TEPSIN: variants seen among roughly 807,000 people sequenced by gnomAD.
TEPSIN encodes the protein AP-4 complex accessory subunit tepsin.
In TEPSIN, 50 loss-of-function variants were observed where a neutral mutation model predicts 48.5. That is an observed-to-expected ratio of 1.03 (90% CI 0.82 to 1.31). The LOEUF (loss-of-function observed/expected upper bound fraction) is 1.31, where lower values mean the gene tolerates loss of function less well. Ranked by LOEUF, TEPSIN falls within the 50% of genes most tolerant of loss-of-function variation. The probability of loss-of-function intolerance (pLI) is 0.00; values close to 1 mark genes in which losing one functional copy is unlikely to be tolerated. For synonymous variants in TEPSIN, 392 were observed against 358.8 expected, an observed-to-expected ratio of 1.09 and a Z score of -1.05; for missense variants, 838 against 815.9, an observed-to-expected ratio of 1.03 and a Z score of -0.33.
At chr17:81,237,758 C>T (rs1352093969) in intron 1 of TEPSIN, 2 of 459,794 alleles carry the variant, frequency 4.3e-6, no homozygotes, top group Non-Finnish European at 7.6e-6. Context: ...CACTTACCAG[C>T]ATGTAAGGCT....
chr17:81,235,322 TG>T lies in TEPSIN; in HGVS notation c.308-1275del, dbSNP rs537770323. Among the ~76,000 whole-genome samples, 505 of 152,244 alleles carry T rather than the reference TG, an allele frequency of 3.3e-3. 2 individuals are homozygous for T. Among genetic ancestry groups the T allele is most frequent in the African/African-American group, 0.012 (493 of 41,542 alleles). ...TCCTCTTTCTGACGCTCTGCGCGCG[TG>T]GGGCAGGCCATCCTCACTGCACACC... On this transcript the variant is annotated intron_variant, in intron 4 of 12. Coordinates refer to ENST00000637944, the MANE Select transcript of TEPSIN (RefSeq NM_001363764.2).
At chr17:81,236,925 C>A (rs2062732839) in intron 3 of TEPSIN, 55 bp downstream of exon 3, 11 of 1,538,222 alleles carry the variant, frequency 7.2e-6, no homozygotes, top group Non-Finnish European at 2.6e-6. Flanking sequence ...GCTCCTCCAT[C>A]CTCACCACCG....
Position 81,234,027 on chromosome 17 carries a change from G to A in TEPSIN, c.329C>T (p.Pro110Leu), listed in dbSNP as rs1475897903. ...CTGGTACAAGCTGTTCCCGTGCAGA[G>A]GATCTGGGGGCCCTGCAAAAGCTGC... ...EAAAFAGPPD[P>L]LHGNSLYQKV... The change falls in exon 5 of 13, where the codon CCT (proline) becomes CTT (leucine). Residue 110 changes from proline to leucine, a missense_variant. Pro to Leu is a moderately conservative substitution (Grantham distance 98). Transcript: ENST00000637944. The surrounding 1 kb of genome is among the most constrained non-coding windows in gnomAD (Gnocchi z 5.4). 6.3e-7 allele frequency: 1 copy of A among 1,595,410 alleles called. No homozygotes were observed. Among genetic ancestry groups the A allele is most frequent in the African/African-American group, 1.4e-5 (1 of 73,786 alleles).
chr17:81,237,200 C>T, intron 2 of TEPSIN, 129 bp from the exon 3 acceptor site: 1 of 1,184,314 alleles, frequency 8.4e-7, no homozygotes, highest in East Asian at 2.6e-5. Flanking sequence ...CCATCAGGAG[C>T]ACCTGGGCTT....
intron 2 of TEPSIN, 94 bp from the exon 3 acceptor site, chr17:81,237,165 C>G (rs1369110878): frequency 3.0e-6 from 4 of 1,345,230 alleles, no homozygotes; most frequent in Non-Finnish European, 4.1e-6. Context: ...TTCACGCTCC[C>G]TGGAGGCGCC....
In TEPSIN at chr17:81,232,027, G is replaced by A. The variant is rs773749867; in HGVS notation, c.731-6C>T. 1 of 1,606,096 alleles carries A rather than the reference G, an allele frequency of 6.2e-7. No homozygotes were observed. Among genetic ancestry groups the A allele is most frequent in the Non-Finnish European group, 8.5e-7 (1 of 1,179,280 alleles). On this transcript the variant is annotated splice_region_variant and splice_polypyrimidine_tract_variant and intron_variant, in intron 8 of 12. Coordinates refer to ENST00000637944, the MANE Select transcript of TEPSIN (RefSeq NM_001363764.2). Reference sequence around the variant, plus strand: ...CCCAGGCTGATGCCTCACAGCTGGAGGAAACAGGACAGCCGGTGAGATCCC... The same window carrying A: ...CCCAGGCTGATGCCTCACAGCTGGAAGAAACAGGACAGCCGGTGAGATCCC...
chr17:81,228,791 AACTG>A lies in TEPSIN; in HGVS notation c.*133_*136del. On this transcript the variant is annotated 3_prime_UTR_variant, in exon 13 of 13. Coordinates refer to ENST00000637944, the MANE Select transcript of TEPSIN (RefSeq NM_001363764.2). ...AGCCTCTGGCAGAGGAGATGGGGGA[AACTG>A]AGGTAGCCCTAGGGTCGTCCTCTCA... 9.6e-7 allele frequency: 1 copy of A among 1,038,814 alleles called. No homozygotes were observed. Among genetic ancestry groups the A allele is most frequent in the Non-Finnish European group, 1.4e-6 (1 of 713,568 alleles). The allele number at this position is 1,038,814 out of a possible 1,614,324, so 64.3% of individuals were successfully genotyped here. A position where few individuals can be genotyped will look rare whatever the true frequency, so the allele number is the denominator to read the frequency against.
Position 81,233,637 on chromosome 17 carries a change from C to A in TEPSIN, c.454+1G>T, listed in dbSNP as rs1240827279. The A allele has an allele frequency of 6.3e-7, 1 of 1,598,442 alleles. No individual in the cohort carries two copies. Among genetic ancestry groups the A allele is most frequent in the Non-Finnish European group, 8.5e-7 (1 of 1,174,144 alleles). On this transcript the variant is annotated splice_donor_variant, in intron 6 of 12. Transcript: ENST00000637944. LOFTEE classifies it high-confidence loss of function. The surrounding 1 kb of genome is among the most constrained non-coding windows in gnomAD (Gnocchi z 5.8). The stretch of plus-strand genomic sequence containing the variant: ...TGGACACGGTCCCCTCAGTCACCTA[C>A]CTGTGGCAGGCGGGGTCCCCAGAGG...
At position 81,237,046 on chromosome 17, in the gene TEPSIN, G is replaced by A; in HGVS notation, c.147C>T (p.Ser49=). 6.3e-7 allele frequency: 1 copy of A among 1,596,148 alleles called. No homozygotes were observed. The highest frequency in any genetic ancestry group is 1.1e-5 in the South Asian group (1 of 88,414). Residue 49 remains serine, a synonymous_variant, in exon 3 of 13, where the codon AGC becomes AGT. Transcript: ENST00000637944. The stretch of plus-strand genomic sequence containing the variant: ...GGAGGTACTCCAGCAGGCACTGGCT[G>A]CTGCCCGGAGACTCGTGGGAGATTT... ...IAKISHESPG[S]SQCLLEYLLS...
In TEPSIN at chr17:81,230,604, C is replaced by T. The variant is rs1363355347; in HGVS notation, c.1173G>A (p.Arg391=). ...CCATGCTGAGCTCCTGCAGCCACGG[C>T]CGGGTGCGGAGGAGGATGTGCTCCT... is the stretch of plus-strand genomic sequence containing the variant. The part of the protein sequence containing the change: ...LPQEHILLRT[R]PWLQELSMGS... Residue 391 remains arginine, a synonymous_variant, in exon 12 of 13, where the codon CGG becomes CGA. Transcript: ENST00000637944. The surrounding 1 kb of genome is among the most constrained non-coding windows in gnomAD (Gnocchi z 4.2). The T allele has an allele frequency of 1.2e-6, 2 of 1,608,922 alleles. No individual in the cohort carries two copies. Among genetic ancestry groups the T allele is most frequent in the Non-Finnish European group, 1.7e-6 (2 of 1,177,750 alleles).
intron 4 of TEPSIN, among the ~76,000 whole-genome samples, chr17:81,235,301 C>G (rs1206204010): frequency 6.6e-6 from 1 of 152,216 alleles, no homozygotes; most frequent in East Asian, 1.9e-4. Flanking sequence ...TTTCTTTCCT[C>G]TTTCTGACGC....
intron 2 of TEPSIN, 44 bp downstream of exon 2, chr17:81,237,343 G>T: frequency 6.3e-7 from 1 of 1,591,000 alleles, no homozygotes; most frequent in Non-Finnish European, 8.6e-7. Flanking sequence ...CTGGGACCCT[G>T]CCATCCGCTC....
intron 7 of TEPSIN, 31 bp from the exon 8 acceptor site, chr17:81,232,549 C>T (rs369858267): frequency 1.2e-5 from 18 of 1,518,534 alleles, no homozygotes; most frequent in Admixed American, 6.0e-5. Context: ...ATGGGACGGC[C>T]GCCCAGTGCG....
At chr17:81,235,999 C>A (rs1237141255) in intron 4 of TEPSIN, among the ~76,000 whole-genome samples, 1 of 152,218 alleles carries the variant, frequency 6.6e-6, no homozygotes, top group Non-Finnish European at 1.5e-5. Context: ...CAGACTCAGT[C>A]TCCCTCCCCA....
At chr17:81,232,964 G>A (rs927953592) in intron 7 of TEPSIN, 1 of 234,284 alleles carries the variant, frequency 4.3e-6, no homozygotes, top group Non-Finnish European at 8.4e-6. Context: ...GCTACACACC[G>A]CCCAGGGCCC....
chr17:81,237,249 C>G (rs532393950), intron 2 of TEPSIN, 138 bp downstream of exon 2: 1 of 1,231,692 alleles, frequency 8.1e-7, no homozygotes, highest in Non-Finnish European at 1.2e-6. Context: ...AGCCTTCAGA[C>G]CCCACCCATG....
Position 81,230,552 on chromosome 17 carries a change from C to A in TEPSIN, c.1225G>T (p.Ala409Ser). The A allele has an allele frequency of 6.2e-7, 1 of 1,611,688 alleles. No homozygotes were observed. Among genetic ancestry groups the A allele is most frequent in the Non-Finnish European group, 8.5e-7 (1 of 1,179,280 alleles). The change falls in exon 12 of 13, where the codon GCC becomes TCC. Residue 409 changes from alanine (A) to serine (S), a missense_variant. Transcript: ENST00000637944. This position sits in a 1 kb window ranked among gnomAD's most constrained non-coding sequence, Gnocchi z 4.2. ...CCTCCGCAGCTGCCCACCTTGGTGG[C>A]CTTGTTGGTCACAGGTCCCGGGCTG... ...MGSPGPVTNK[A>S]TKILRHFEAS...
At chr17:81,238,039 G>T (rs1408396929) in intron 1 of TEPSIN, 1 of 992,630 alleles carries the variant, frequency 1.0e-6, no homozygotes, top group Non-Finnish European at 1.2e-6. Context: ...ATGAAAACTG[G>T]AACCACCCAT....
At chr17:81,238,699 C>T in intron 1 of TEPSIN, 3 of 1,212,394 alleles carry the variant, frequency 2.5e-6, no homozygotes, top group African/African-American at 1.6e-5. Context: ...CCTTCCCTCC[C>T]GTCGGAGGCC....
Sources: allele counts gnomAD v4.1 joint callset (sites outside exome capture counted in the v4.1 genomes callset), GRCh38; gene constraint gnomAD v4.1.1; non-coding constraint Gnocchi (gnomAD v3.1); transcripts MANE v1.5; gene names NCBI Gene and HGNC (gene_info 2026-07-23, HGNC 2026-07-21).